Variants in EHBP1 observed in about 807,000 individuals in gnomAD.
EHBP1 encodes the protein EH domain binding protein 1, also known as EH domain-binding protein 1.
A neutral mutation model predicts 144.0 loss-of-function variants in EHBP1; 55 were observed. The observed-to-expected ratio is 0.38, with a 90% CI of 0.31 to 0.48. EHBP1 has a LOEUF of 0.48. Among genes scored for constraint, EHBP1 ranks in the 20% least tolerant of loss-of-function variants. The probability of loss-of-function intolerance (pLI) is 0.98; values close to 1 mark genes in which losing one functional copy is unlikely to be tolerated. For missense variants in EHBP1, 1,200 were observed against 1,364.2 expected, an observed-to-expected ratio of 0.88 and a Z score of 1.90; for synonymous variants, 469 against 472.7, an observed-to-expected ratio of 0.99 and a Z score of 0.10.
intron 13 of EHBP1, among the ~76,000 whole-genome samples, chr2:62,950,169 A>G (rs1046459066): frequency 6.6e-6 from 1 of 151,982 alleles, no homozygotes; most frequent in Admixed American, 6.5e-5. Flanking sequence ...CTGTGCCATC[A>G]AAAGCATTGT....
At chr2:62,916,848 T>C (rs927198461) in intron 10 of EHBP1, among the ~76,000 whole-genome samples, 8 of 150,346 alleles carry the variant, frequency 5.3e-5, no homozygotes, top group African/African-American at 1.9e-4. Context: ...AATATATTCA[T>C]TGTGTATATA....
intron 7 of EHBP1, among the ~76,000 whole-genome samples, chr2:62,836,831 G>C (rs1360413070): frequency 9.9e-5 from 15 of 151,356 alleles, no homozygotes; most frequent in Admixed American, 3.3e-4. Context: ...AAGAAATATG[G>C]GACTATGTGA....
chr2:62,912,450 G>A (rs939279497), intron 10 of EHBP1, among the ~76,000 whole-genome samples: 2 of 152,126 alleles, frequency 1.3e-5, no homozygotes, highest in African/African-American at 4.8e-5. Context: ...TACTTGGGAG[G>A]CTGAGGTAGG....
Position 63,045,333 on chromosome 2 carries a change from G to T in EHBP1, c.3393-77G>T. 1 of 1,458,130 alleles carries T rather than the reference G, an allele frequency of 6.9e-7. No individual in the cohort carries two copies. Among genetic ancestry groups the T allele is most frequent in the South Asian group, 1.2e-5 (1 of 85,358 alleles). 90.3% of individuals were successfully genotyped at this position (1,458,130 alleles called of 1,614,324 possible). A position where few individuals can be genotyped will look rare whatever the true frequency, so the allele number is the denominator to read the frequency against. On this transcript the variant is annotated intron_variant, in intron 22 of 22. Transcript: ENST00000431489. This position sits in a 1 kb window ranked among gnomAD's most constrained non-coding sequence, Gnocchi z 5.7. ...CCCGCTGGGGATCCAAATACTGGGC[G>T]ACGGGGGAGTGCTGCTCTGCCCTCC...
chr2:63,016,699 G>T (rs753702139), intron 19 of EHBP1, among the ~76,000 whole-genome samples: 2 of 152,154 alleles, frequency 1.3e-5, no homozygotes, highest in Non-Finnish European at 2.9e-5. Flanking sequence ...CCAAAGTGCT[G>T]GGATTACAGG....
In EHBP1 at chr2:62,966,483, G is replaced by C. The variant is rs187492596; in HGVS notation, c.2460+10823G>C. Among the ~76,000 whole-genome samples the C allele has an allele frequency of 3.0e-4, 45 of 152,080 alleles. No homozygotes were observed. The East Asian group carries it at 8.3e-3, about 28-fold the overall frequency. The stretch of plus-strand genomic sequence containing the variant: ...TCTCCATTACTTTATACCTTTTCCC[G>C]AGTGCTTTAATTGGTCTCTGGCATG... On this transcript the variant is annotated intron_variant, in intron 14 of 22. Coordinates refer to ENST00000431489, the MANE Select transcript of EHBP1 (RefSeq NM_001142616.3).
At chr2:62,897,709 A>C (rs183884836) in intron 10 of EHBP1, among the ~76,000 whole-genome samples, 119 of 152,280 alleles carry the variant, frequency 7.8e-4, no homozygotes, top group African/African-American at 2.7e-3. Flanking sequence ...GCAAAATTGA[A>C]ATGTATTTTC....
intron 2 of EHBP1, among the ~76,000 whole-genome samples, chr2:62,736,911 A>G (rs1242274711): frequency 3.3e-5 from 5 of 152,094 alleles, no homozygotes. Flanking sequence ...ATTTTTCTTG[A>G]TAGCCAGATG....
intron 7 of EHBP1, among the ~76,000 whole-genome samples, chr2:62,837,952 A>T (rs1360636255): frequency 6.8e-6 from 1 of 146,222 alleles, no homozygotes; most frequent in Non-Finnish European, 1.5e-5. Flanking sequence ...GTCAACAAGG[A>T]TACCCAGGAA....
At chr2:62,997,428 ATGTGTGTGTGTGTGTGTGTGTGTG>A (rs70962800) in intron 19 of EHBP1, among the ~76,000 whole-genome samples, 2 of 90,554 alleles carry the variant, frequency 2.2e-5, no homozygotes, top group African/African-American at 4.1e-5. Flanking sequence ...AAAGGAACTC[ATGTGTGTGTGTGTGTGTGTGTGTG>A]TGTGTGTGTG....
At chr2:62,703,978 G>A (rs1289790038), upstream of EHBP1, among the ~76,000 whole-genome samples, 2 of 152,138 alleles carry the variant, frequency 1.3e-5, no homozygotes, top group African/African-American at 2.4e-5. Flanking sequence ...TGTTTCTGAA[G>A]GGTAACTTGG....
chr2:62,904,327 C>G (rs778452567), intron 10 of EHBP1, among the ~76,000 whole-genome samples: 4 of 152,168 alleles, frequency 2.6e-5, no homozygotes, highest in Non-Finnish European at 4.4e-5. Flanking sequence ...TTACAGTTCC[C>G]TTTACATGCC....
At chr2:62,763,344 C>T (rs2040913195) in intron 3 of EHBP1, among the ~76,000 whole-genome samples, 1 of 152,022 alleles carries the variant, frequency 6.6e-6, no homozygotes, top group East Asian at 1.9e-4. Flanking sequence ...TTTCACTCCT[C>T]CAGGGCCTAG....
At chr2:62,733,103 G>T (rs1324196004) in intron 2 of EHBP1, among the ~76,000 whole-genome samples, 1 of 152,102 alleles carries the variant, frequency 6.6e-6, no homozygotes, top group Non-Finnish European at 1.5e-5. Flanking sequence ...TGATTATGAT[G>T]CTTGTTCTGT....
intron 21 of EHBP1, among the ~76,000 whole-genome samples, chr2:63,041,555 T>C (rs1280791407): frequency 6.6e-6 from 1 of 152,216 alleles, no homozygotes; most frequent in Admixed American, 6.5e-5. Flanking sequence ...GTTTATATGA[T>C]AAGCTTTTTA....
chr2:62,848,331 C>T (rs1159709080), intron 7 of EHBP1, among the ~76,000 whole-genome samples: 2 of 152,164 alleles, frequency 1.3e-5, no homozygotes, highest in South Asian at 2.1e-4. Flanking sequence ...GATCCTCCCA[C>T]CTTGGCCTCC....
chr2:62,995,190 A>G (rs938618322), intron 18 of EHBP1, among the ~76,000 whole-genome samples: 1 of 151,858 alleles, frequency 6.6e-6, no homozygotes, highest in Non-Finnish European at 1.5e-5. Flanking sequence ...CTATTATTTT[A>G]TTTTTTTCTG....
chr2:62,724,072 A>C (rs2036502325), intron 2 of EHBP1, among the ~76,000 whole-genome samples: 1 of 152,134 alleles, frequency 6.6e-6, no homozygotes, highest in Non-Finnish European at 1.5e-5. Context: ...ACGTTTTCCG[A>C]GTTGCTTACA....
At chr2:62,765,161 G>T (rs2041077462) in intron 4 of EHBP1, among the ~76,000 whole-genome samples, 1 of 152,018 alleles carries the variant, frequency 6.6e-6, no homozygotes, top group Admixed American at 6.6e-5. Context: ...AAATGTTTTT[G>T]TCTGCTCAGT....
Sources: allele counts gnomAD v4.1 joint callset (sites outside exome capture counted in the v4.1 genomes callset), GRCh38; gene constraint gnomAD v4.1.1; non-coding constraint Gnocchi (gnomAD v3.1); transcripts MANE v1.5; gene names NCBI Gene and HGNC (gene_info 2026-07-23, HGNC 2026-07-21).